Variants in FRMD3 observed in about 807,000 individuals in gnomAD.
The protein encoded by FRMD3 is FERM domain containing 3.
A neutral mutation model predicts 70.2 loss-of-function variants in FRMD3; 33 were observed. That is an observed-to-expected ratio of 0.47 (90% CI 0.36 to 0.63). The LOEUF (loss-of-function observed/expected upper bound fraction) is 0.63. FRMD3 is among the 20% of genes least tolerant of loss of function. The probability of loss-of-function intolerance (pLI) is 0.00; values close to 1 mark genes in which losing one functional copy is unlikely to be tolerated. For missense variants in FRMD3, 632 were observed against 711.4 expected (o/e 0.89, Z 1.27); for synonymous variants, 279 against 255.9 (o/e 1.09, Z -0.86).
chr9:83,492,590 C>T (rs1191308263), intron 1 of FRMD3, among the ~76,000 whole-genome samples: 1 of 152,322 alleles, frequency 6.6e-6, no homozygotes, highest in South Asian at 2.1e-4. Context: ...TTAGTGGCTA[C>T]TGTTCATCCA....
At chr9:83,489,452 G>A (rs1215168925) in intron 1 of FRMD3, among the ~76,000 whole-genome samples, 1 of 152,062 alleles carries the variant, frequency 6.6e-6, no homozygotes, top group East Asian at 1.9e-4. Context: ...TGAAGGACAT[G>A]AACTGACAGT....
chr9:83,316,891 CAAAT>C (rs1835600592), intron 6 of FRMD3, among the ~76,000 whole-genome samples: 1 of 152,102 alleles, frequency 6.6e-6, no homozygotes, highest in African/African-American at 2.4e-5. Context: ...TCTCCACCAA[CAAAT>C]AAACCATACA....
chr9:83,271,085 G>C (rs1361752489), intron 13 of FRMD3, among the ~76,000 whole-genome samples: 1 of 152,172 alleles, frequency 6.6e-6, no homozygotes, highest in African/African-American at 2.4e-5. Context: ...AGGATACTGG[G>C]TGTTTACATG....
intron 1 of FRMD3, among the ~76,000 whole-genome samples, chr9:83,425,907 C>A (rs139879690): frequency 4.2e-3 from 362 of 86,406 alleles, no homozygotes; most frequent in South Asian, 5.1e-3. Flanking sequence ...AACTCCGTCT[C>A]AAAAAAAAAA....
Position 83,388,364 on chromosome 9 carries a change from A to G in FRMD3, c.252+1240T>C, listed in dbSNP as rs569001307. ...CATTGAGGAGGAGGAGAGCAAATTA[A>G]AGAAGGCAGAGGGGTCCTATCCCCA... On this transcript the variant is annotated intron_variant, in intron 2 of 13. Transcript: ENST00000304195. Among the ~76,000 whole-genome samples the G allele has an allele frequency of 2.0e-5, 3 of 152,198 alleles. No homozygotes were observed. The East Asian group carries it at 5.8e-4, about 29-fold the overall frequency.
intron 1 of FRMD3, among the ~76,000 whole-genome samples, chr9:83,476,945 G>T (rs913912056): frequency 6.6e-6 from 1 of 152,170 alleles, no homozygotes; most frequent in East Asian, 1.9e-4. Flanking sequence ...CTTGAGGGCA[G>T]GTGGTGTCTC....
chr9:83,304,409 A>T (rs1835043881), intron 10 of FRMD3, among the ~76,000 whole-genome samples: 1 of 152,170 alleles, frequency 6.6e-6, no homozygotes, highest in African/African-American at 2.4e-5. Context: ...TTTATTAAAA[A>T]TATGGACTCT....
Position 83,245,307 on chromosome 9 carries a change from T to C in FRMD3, c.*2611A>G. On this transcript the variant is annotated 3_prime_UTR_variant, in exon 14 of 14. Coordinates refer to ENST00000304195, the MANE Select transcript of FRMD3 (RefSeq NM_174938.6). ...ACTGTCCATCTCTGGAAGCAGGCTTTTCCTCATTCGATTCAGGCAACTGGT... is the reference window on the plus strand; with the variant it reads ...ACTGTCCATCTCTGGAAGCAGGCTTCTCCTCATTCGATTCAGGCAACTGGT... The C allele has an allele frequency of 2.0e-6, 2 of 985,452 alleles. No homozygotes were observed. The highest frequency in any genetic ancestry group is 2.4e-6 in the Non-Finnish European group (2 of 829,930). 61.0% of individuals were successfully genotyped at this position (985,452 alleles called of 1,614,324 possible).
intron 1 of FRMD3, among the ~76,000 whole-genome samples, chr9:83,475,901 G>C (rs1333749057): frequency 6.6e-6 from 1 of 152,160 alleles, no homozygotes; most frequent in African/African-American, 2.4e-5. Flanking sequence ...GAAAAAATGA[G>C]TGTTAGGTCC....
At chr9:83,258,344 T>G (rs1182502959) in intron 13 of FRMD3, among the ~76,000 whole-genome samples, 1 of 152,220 alleles carries the variant, frequency 6.6e-6, no homozygotes, top group Admixed American at 6.5e-5. Flanking sequence ...GAAACCAGCC[T>G]CTCTGTTAAC....
intron 13 of FRMD3, chr9:83,267,422 G>A (rs1833321169): frequency 3.2e-6 from 2 of 631,640 alleles, no homozygotes; most frequent in East Asian, 3.9e-5. Context: ...CCAAAACAGA[G>A]GACCCTGTCC....
At chr9:83,281,748 C>CA (rs1304059294) in intron 13 of FRMD3, 1 of 152,424 alleles carries the variant, frequency 6.6e-6, no homozygotes, top group Non-Finnish European at 1.5e-5. Context: ...TCTGTTTCCC[C>CA]TGCAGCCTGG....
intron 1 of FRMD3, among the ~76,000 whole-genome samples, chr9:83,479,763 G>GAAA: frequency 1.5e-5 from 1 of 67,958 alleles, no homozygotes; most frequent in African/African-American, 7.0e-5. Flanking sequence ...AAGAAGAAGG[G>GAAA]AGGGAGGGAG....
chr9:83,342,970 T>C (rs1823823567), intron 5 of FRMD3, among the ~76,000 whole-genome samples: 1 of 152,172 alleles, frequency 6.6e-6, no homozygotes, highest in Non-Finnish European at 1.5e-5. Context: ...AACTCTGTTT[T>C]TGCAGAGGCT....
At chr9:83,577,371 A>G in the FRMD3 span, among the ~76,000 whole-genome samples, 1 of 152,114 alleles carries the variant, frequency 6.6e-6, no homozygotes, top group Non-Finnish European at 1.5e-5. Flanking sequence ...ATGTAGATCC[A>G]TAGAATAGAA....
intron 1 of FRMD3, among the ~76,000 whole-genome samples, chr9:83,415,016 T>C (rs1826390143): frequency 1.3e-5 from 2 of 152,150 alleles, no homozygotes. Flanking sequence ...GTCCCCTCAA[T>C]AGCCAGGTGC....
intron 4 of FRMD3, among the ~76,000 whole-genome samples, chr9:83,344,824 A>AGTGAGTGTGTGTGT (rs1554690831): frequency 6.9e-6 from 1 of 143,972 alleles, no homozygotes; most frequent in African/African-American, 2.6e-5. Context: ...TGCATGTGTG[A>AGTGAGTGTGTGTGT]GTGTGTGTGT....
intron 1 of FRMD3, among the ~76,000 whole-genome samples, chr9:83,406,171 C>T (rs907661467): frequency 1.3e-5 from 2 of 152,092 alleles, no homozygotes; most frequent in African/African-American, 4.8e-5. Context: ...GAAAGTAGTC[C>T]TCTGAGTCTT....
chr9:83,561,836 C>G, the FRMD3 span, among the ~76,000 whole-genome samples: 1 of 152,122 alleles, frequency 6.6e-6, no homozygotes, highest in African/African-American at 2.4e-5. Flanking sequence ...CAAGGAAGAG[C>G]CCAGCCTGCC....
Sources: allele counts gnomAD v4.1 joint callset (sites outside exome capture counted in the v4.1 genomes callset), GRCh38; gene constraint gnomAD v4.1.1; transcripts MANE v1.5; gene names NCBI Gene and HGNC (gene_info 2026-07-23, HGNC 2026-07-21).